The following MYO16 variants were observed in gnomAD, a reference collection of about 807,000 sequenced individuals.
MYO16 encodes myosin XVI.
In MYO16, 94 loss-of-function variants were observed where a neutral mutation model predicts 205.3. That is an observed-to-expected ratio of 0.46 (90% confidence interval 0.39 to 0.54). The LOEUF (loss-of-function observed/expected upper bound fraction) is 0.54, where lower values mean the gene tolerates loss of function less well. MYO16 is among the 20% of genes least tolerant of loss of function. The pLI is 0.00. For missense variants in MYO16, 2,315 were observed against 2,387.5 expected, an observed-to-expected ratio of 0.97 and a Z score of 0.63; for synonymous variants, 988 against 954.0, an observed-to-expected ratio of 1.04 and a Z score of -0.66.
At chr13:108,697,601 A>G (rs1321312437) in intron 2 of MYO16, among the ~76,000 whole-genome samples, 1 of 152,250 alleles carries the variant, frequency 6.6e-6, no homozygotes, top group African/African-American at 2.4e-5. Flanking sequence ...GATGAAATAA[A>G]AAGAAAAATA....
chr13:108,631,911 C>T (rs143439552), intron 1 of MYO16, among the ~76,000 whole-genome samples: 1 of 151,948 alleles, frequency 6.6e-6, no homozygotes. Context: ...AACCCTGTCT[C>T]TACTAAAAAT....
intron 2 of MYO16, among the ~76,000 whole-genome samples, chr13:108,707,066 G>A (rs1883537489): frequency 6.6e-6 from 1 of 152,088 alleles, no homozygotes; most frequent in African/African-American, 2.4e-5. Context: ...GAGTGCATGT[G>A]GATCTGAATC....
chr13:108,798,532 T>C (rs1288799921), intron 6 of MYO16, among the ~76,000 whole-genome samples: 1 of 152,136 alleles, frequency 6.6e-6, no homozygotes, highest in African/African-American at 2.4e-5. Flanking sequence ...ATAAACACCA[T>C]GTTACAGAGT....
chr13:108,985,809 C>G lies in MYO16; in HGVS notation c.2370-6567C>G, dbSNP rs532639778. Among the ~76,000 whole-genome samples the G allele has an allele frequency of 5.3e-5, 8 of 152,314 alleles. No individual in the cohort carries two copies. In the South Asian group the frequency reaches 8.3e-4, roughly 16 times the overall value. Reference sequence around the variant, plus strand: ...TGCTTCTCATTTAACAAATATTTATCTAATAATCTATCACAGTGCATAGTT... The same window carrying G: ...TGCTTCTCATTTAACAAATATTTATGTAATAATCTATCACAGTGCATAGTT... On this transcript the variant is annotated intron_variant, in intron 20 of 34. Coordinates refer to ENST00000457511, the MANE Select transcript of MYO16 (RefSeq NM_001198950.3).
the MYO16 span, among the ~76,000 whole-genome samples, chr13:108,570,599 C>T: frequency 0.23 from 35,171 of 152,114 alleles, 4,362 homozygotes; most frequent in East Asian, 0.4. Context: ...GCCATCTGGG[C>T]CTGAGAAGCA....
intron 1 of MYO16, among the ~76,000 whole-genome samples, chr13:108,657,989 A>G (rs1261346993): frequency 6.6e-6 from 1 of 152,180 alleles, no homozygotes; most frequent in Non-Finnish European, 1.5e-5. Context: ...GCTAATATGT[A>G]TGCACGTAGG....
At chr13:108,563,117 G>GT in the MYO16 span, among the ~76,000 whole-genome samples, 2 of 152,022 alleles carry the variant, frequency 1.3e-5, no homozygotes, top group Non-Finnish European at 1.5e-5. Flanking sequence ...TGCTTTCTGC[G>GT]TTTTGTTATT....
At chr13:109,047,972 CATT>C (rs1253005549) in intron 24 of MYO16, among the ~76,000 whole-genome samples, 3 of 151,970 alleles carry the variant, frequency 2.0e-5, no homozygotes, top group African/African-American at 4.8e-5. Context: ...CAAAGAATAA[CATT>C]ATGAAGACGG....
intron 13 of MYO16, among the ~76,000 whole-genome samples, chr13:108,886,744 T>A (rs938122078): frequency 3.3e-5 from 5 of 151,780 alleles, no homozygotes; most frequent in African/African-American, 1.2e-4. Context: ...ACAAAACATC[T>A]GACGTAAGCA....
At chr13:108,669,735 A>C (rs1027061370) in intron 2 of MYO16, among the ~76,000 whole-genome samples, 1 of 152,148 alleles carries the variant, frequency 6.6e-6, no homozygotes, top group African/African-American at 2.4e-5. Context: ...ATGGAATACT[A>C]TGCAGCCAGA....
rs781109620 is a variant in MYO16 at position 108,806,810 on chromosome 13, G to C, written c.867+6G>C. 1 of 1,493,186 alleles carries C rather than the reference G, an allele frequency of 6.7e-7. No individual in the cohort carries two copies. The highest frequency in any genetic ancestry group is 9.0e-7 in the Non-Finnish European group (1 of 1,116,348). 92.5% of individuals were successfully genotyped at this position (1,493,186 alleles called of 1,614,324 possible). A position where few individuals can be genotyped will look rare whatever the true frequency, so the allele number is the denominator to read the frequency against. Reference sequence around the variant, plus strand: ...TGGCAGCCAAATATGGCCAGGTAGAGTGATTTGCTGAATTCTTTAAAAAAT... The same window carrying C: ...TGGCAGCCAAATATGGCCAGGTAGACTGATTTGCTGAATTCTTTAAAAAAT... On this transcript the variant is annotated splice_donor_region_variant and intron_variant, in intron 7 of 34. Coordinates refer to ENST00000457511, the MANE Select transcript of MYO16 (RefSeq NM_001198950.3).
intron 31 of MYO16, among the ~76,000 whole-genome samples, chr13:109,131,303 C>G (rs187862937): frequency 1.3e-5 from 2 of 152,264 alleles, no homozygotes; most frequent in African/African-American, 4.8e-5. Flanking sequence ...TGTAGGGTGA[C>G]CAGCACCACG....
At chr13:108,877,575 G>A (rs188765194) in intron 12 of MYO16, among the ~76,000 whole-genome samples, 18 of 152,314 alleles carry the variant, frequency 1.2e-4, no homozygotes, top group Admixed American at 9.8e-4. Context: ...AATTCTGCTA[G>A]GATTTTGTGT....
chr13:108,822,258 T>C (rs1438936936), intron 8 of MYO16, among the ~76,000 whole-genome samples: 21 of 152,218 alleles, frequency 1.4e-4, no homozygotes. Flanking sequence ...AGCACTCACC[T>C]ACTTTTTACA....
At chr13:108,964,550 A>G (rs769575757) in intron 19 of MYO16, among the ~76,000 whole-genome samples, 1 of 152,216 alleles carries the variant, frequency 6.6e-6, no homozygotes, top group Non-Finnish European at 1.5e-5. Flanking sequence ...CAACAATTCT[A>G]ACAAAGAAGA....
At chr13:109,181,456 A>G (rs528983352) in intron 34 of MYO16, among the ~76,000 whole-genome samples, 1 of 152,352 alleles carries the variant, frequency 6.6e-6, no homozygotes, top group South Asian at 2.1e-4. Context: ...TTTTCTACTA[A>G]TGCAATTAAA....
intron 1 of MYO16, among the ~76,000 whole-genome samples, chr13:108,644,671 T>C (rs7331881): frequency 0.18 from 27,683 of 152,026 alleles, 3,857 homozygotes; most frequent in African/African-American, 0.38. Flanking sequence ...CATTTTCTTA[T>C]CTAACATTCC....
intron 27 of MYO16, among the ~76,000 whole-genome samples, chr13:109,082,346 C>T (rs1888307145): frequency 6.6e-6 from 1 of 151,998 alleles, no homozygotes; most frequent in Non-Finnish European, 1.5e-5. Flanking sequence ...GTTTAGTTTA[C>T]GATGGTAGCT....
chr13:108,824,327 T>A (rs1187110321), intron 9 of MYO16, among the ~76,000 whole-genome samples: 1 of 152,064 alleles, frequency 6.6e-6, no homozygotes, highest in East Asian at 1.9e-4. Flanking sequence ...TGTTTTAACA[T>A]GATATACAAG....
Sources: gnomAD v4.1 joint callset for allele counts (sites outside exome capture counted in the v4.1 genomes callset) on GRCh38, gnomAD v4.1.1 for gene constraint, MANE v1.5 for transcripts, NCBI Gene and HGNC (gene_info 2026-07-23, HGNC 2026-07-21) for gene names.